Variants in MBOAT1 observed in about 807,000 individuals in gnomAD.
MBOAT1 encodes the protein membrane bound glycerophospholipid O-acyltransferase 1, also known as membrane-bound glycerophospholipid O-acyltransferase 1.
Under a neutral mutation model 64.4 loss-of-function variants are expected in MBOAT1, and 67 were observed. The observed-to-expected ratio is 1.04, with a 90% CI of 0.85 to 1.27. The LOEUF (loss-of-function observed/expected upper bound fraction) is 1.27, where lower values mean the gene tolerates loss of function less well. MBOAT1 is among the 50% of genes most tolerant of loss of function. The pLI, the probability that MBOAT1 is intolerant of heterozygous loss-of-function variation, is 0.00. For missense variants in MBOAT1, 563 were observed against 604.6 expected (o/e 0.93, Z 0.72); for synonymous variants, 229 against 218.9 (o/e 1.05, Z -0.41).
chr6:20,103,820 A>G (rs1210496816), intron 12 of MBOAT1, among the ~76,000 whole-genome samples: 1 of 152,236 alleles, frequency 6.6e-6, no homozygotes, highest in East Asian at 1.9e-4. Flanking sequence ...CAGGAAGCTA[A>G]GGTTAATTTA....
At position 20,128,771 on chromosome 6, in the gene MBOAT1, A is replaced by AT; in HGVS notation, c.476-19dup. The AT allele has an allele frequency of 6.3e-7, 1 of 1,577,234 alleles. No individual in the cohort carries two copies. Among genetic ancestry groups the AT allele is most frequent in the Non-Finnish European group, 8.6e-7 (1 of 1,159,410 alleles). On this transcript the variant is annotated intron_variant, in intron 5 of 12. Coordinates refer to ENST00000324607, the MANE Select transcript of MBOAT1 (RefSeq NM_001080480.3). ...ACCTAATCCTATGAAAAAGAAAAGA[A>AT]TTTAGAAATAAGATGTTTGAAGTGA...
rs542368070 is a variant in MBOAT1, at chr6:20,212,386, C to CGGCGCAAACTCTCGA, written c.-167_-153dup. ...GAACGGGAGGCCGGGGAATGCGAAC[C>CGGCGCAAACTCTCGA]GGCGCAAACTCTCGAGGCGCAAACT... On this transcript the variant is annotated 5_prime_UTR_variant, in exon 1 of 13. Coordinates refer to ENST00000324607, the MANE Select transcript of MBOAT1 (RefSeq NM_001080480.3). 125 of 667,460 alleles carry CGGCGCAAACTCTCGA rather than the reference C, an allele frequency of 1.9e-4. 2 individuals carry two copies. The highest frequency in any genetic ancestry group is 8.4e-4 in the Middle Eastern group (2 of 2,380). 41.3% of individuals were successfully genotyped at this position (667,460 alleles called of 1,614,324 possible).
intron 1 of MBOAT1, among the ~76,000 whole-genome samples, chr6:20,192,058 C>T (rs1762816814): frequency 6.6e-6 from 1 of 152,048 alleles, no homozygotes; most frequent in South Asian, 2.1e-4. Flanking sequence ...TTTTAATTCC[C>T]ACAGATGAAG....
intron 1 of MBOAT1, among the ~76,000 whole-genome samples, chr6:20,197,196 C>T (rs182616139): frequency 2.1e-4 from 32 of 152,190 alleles, no homozygotes; most frequent in Non-Finnish European, 3.7e-4. Flanking sequence ...AAGGGATCCT[C>T]CTGCCTCAGC....
At chr6:20,156,434 G>C (rs937769888) in intron 1 of MBOAT1, among the ~76,000 whole-genome samples, 3 of 152,274 alleles carry the variant, frequency 2.0e-5, no homozygotes, top group Admixed American at 1.3e-4. Flanking sequence ...CCCCAGGAGG[G>C]AATCCTGGAT....
At chr6:20,125,138 C>T (rs1434838421) in intron 7 of MBOAT1, among the ~76,000 whole-genome samples, 3 of 152,172 alleles carry the variant, frequency 2.0e-5, no homozygotes, top group Non-Finnish European at 4.4e-5. Context: ...ATATAGTCTA[C>T]TCTGGGGTTA....
chr6:20,112,050 T>A (rs1001898220), intron 11 of MBOAT1, among the ~76,000 whole-genome samples: 14 of 150,808 alleles, frequency 9.3e-5, no homozygotes, highest in Non-Finnish European at 1.5e-4. Flanking sequence ...AGTGGATAGC[T>A]ATGTGGGGGC....
At position 20,167,639 on chromosome 6, in the gene MBOAT1, G is replaced by C. The variant is rs564275468; in HGVS notation, c.100-14870C>G. On this transcript the variant is annotated intron_variant, in intron 1 of 12. Transcript: ENST00000324607. ...GCACAGATTTTAATCAGTGGTAATTGAGAATTGGTATAAAGTTAAAAGAAC... is the reference window on the plus strand; with the variant it reads ...GCACAGATTTTAATCAGTGGTAATTCAGAATTGGTATAAAGTTAAAAGAAC... Among the ~76,000 whole-genome samples, 31 of 152,318 alleles carry C rather than the reference G, an allele frequency of 2.0e-4. No individual in the cohort carries two copies. The South Asian group carries it at 6.0e-3, about 30-fold the overall frequency.
chr6:20,188,013 A>G (rs1431997678), intron 1 of MBOAT1, among the ~76,000 whole-genome samples: 1 of 152,210 alleles, frequency 6.6e-6, no homozygotes, highest in Non-Finnish European at 1.5e-5. Flanking sequence ...GAACTGTAAG[A>G]GAGCACAGGT....
At chr6:20,169,583 G>A (rs1357382746) in intron 1 of MBOAT1, among the ~76,000 whole-genome samples, 1 of 150,250 alleles carries the variant, frequency 6.7e-6, no homozygotes, top group Non-Finnish European at 1.5e-5. Flanking sequence ...TGGACCAAGA[G>A]TCAAAGTAAC....
At chr6:20,161,307 G>C (rs1024094136) in intron 1 of MBOAT1, among the ~76,000 whole-genome samples, 1 of 151,692 alleles carries the variant, frequency 6.6e-6, no homozygotes. Flanking sequence ...CAAGCTCAGG[G>C]CTCCCTCTAA....
At position 20,109,601 on chromosome 6, in the gene MBOAT1, T is replaced by A. The variant is rs1190278550; in HGVS notation, c.1358A>T (p.Tyr453Phe). Reference protein sequence around the residue: ...MLAVEPTISLYKSMYFYLHII... With the variant: ...MLAVEPTISLFKSMYFYLHII... ...ACTGAGAACAACGGAAACTTACTTG[T>A]ATAAGCTGATGGTCGGTTCAACTGC... The change falls in exon 12 of 13, where the codon TAC becomes TTC. Residue 453 changes from tyrosine (Y) to phenylalanine (F), a missense_variant. Transcript: ENST00000324607. 9 of 1,611,556 alleles carry A rather than the reference T, an allele frequency of 5.6e-6. No individual in the cohort carries two copies. The East Asian group carries it at 2.0e-4, about 36-fold the overall frequency.
chr6:20,181,501 G>A (rs954848616), intron 1 of MBOAT1, among the ~76,000 whole-genome samples: 2 of 152,128 alleles, frequency 1.3e-5, no homozygotes, highest in South Asian at 4.1e-4. Context: ...AATATGGATG[G>A]AAAGTAGTCA....
intron 8 of MBOAT1, among the ~76,000 whole-genome samples, chr6:20,119,085 C>T (rs1427020740): frequency 6.6e-6 from 1 of 152,052 alleles, no homozygotes; most frequent in Admixed American, 6.5e-5. Context: ...CATGACCCGC[C>T]GGTAGTGTAT....
chr6:20,106,429 C>CT (rs371850150), intron 12 of MBOAT1, among the ~76,000 whole-genome samples: 98 of 147,240 alleles, frequency 6.7e-4, no homozygotes, highest in Non-Finnish European at 1.1e-3. Flanking sequence ...ATAGAAACTC[C>CT]TTTTTTTTTT....
intron 1 of MBOAT1, among the ~76,000 whole-genome samples, chr6:20,184,505 G>A (rs1762594210): frequency 6.6e-6 from 1 of 152,060 alleles, no homozygotes; most frequent in Non-Finnish European, 1.5e-5. Flanking sequence ...CCAAGGTTCT[G>A]ACTACACCTC....
At chr6:20,115,460 G>C in intron 9 of MBOAT1, 108 bp from the exon 10 acceptor site, 1 of 834,336 alleles carries the variant, frequency 1.2e-6, no homozygotes, top group South Asian at 1.4e-5. Flanking sequence ...TTTCAATAGT[G>C]ACTGCTCACA....
intron 10 of MBOAT1, among the ~76,000 whole-genome samples, chr6:20,113,512 C>T (rs1269889782): frequency 3.9e-5 from 6 of 152,220 alleles, no homozygotes; most frequent in African/African-American, 9.6e-5. Flanking sequence ...CACCATCACC[C>T]TGTTCATCCC....
At chr6:20,164,723 G>A (rs753765708) in intron 1 of MBOAT1, among the ~76,000 whole-genome samples, 57 of 152,176 alleles carry the variant, frequency 3.7e-4, no homozygotes, top group Non-Finnish European at 7.1e-4. Flanking sequence ...TGCCAACCGG[G>A]AAGAAAGAGG....
Sources: gnomAD v4.1 joint callset for allele counts (sites outside exome capture counted in the v4.1 genomes callset) on GRCh38, gnomAD v4.1.1 for gene constraint, MANE v1.5 for transcripts, NCBI Gene and HGNC (gene_info 2026-07-23, HGNC 2026-07-21) for gene names.